Variants in SERPINB2 observed in about 807,000 individuals in gnomAD.
SERPINB2 encodes the protein serpin family B member 2.
In SERPINB2, 28 loss-of-function variants were observed where a neutral mutation model predicts 39.4. The ratio of observed to expected loss-of-function variants is 0.71; its 90% confidence interval spans 0.53 to 0.97. The LOEUF (loss-of-function observed/expected upper bound fraction) is 0.97. SERPINB2 is among the 50% of genes least tolerant of loss of function. The pLI is 0.00. For missense variants in SERPINB2, 557 were observed against 505.3 expected, an observed-to-expected ratio of 1.10 and a Z score of -0.98; for synonymous variants, 209 against 175.1, an observed-to-expected ratio of 1.19 and a Z score of -1.53.
At position 63,903,093 on chromosome 18, in the gene SERPINB2, A is replaced by G; in HGVS notation, c.1036A>G (p.Arg346Gly). The G allele has an allele frequency of 6.2e-7, 1 of 1,613,732 alleles. No homozygotes were observed. The highest frequency in any genetic ancestry group is 8.5e-7 in the Non-Finnish European group (1 of 1,179,804). Residue 346 changes from arginine to glycine, a missense_variant, in exon 8 of 8, where the codon AGG becomes GGG. By Grantham distance (125) the Arg-to-Gly change is moderately radical. Transcript: ENST00000299502. The part of the protein sequence containing the change: ...GRANFSGMSE[R>G]NDLFLSEVFH... ...GGCCAATTTCTCAGGGATGTCGGAG[A>G]GGAATGACCTGTTTCTTTCTGAAGT...
intron 7 of SERPINB2, among the ~76,000 whole-genome samples, 162 bp from the exon 8 acceptor site, chr18:63,902,739 C>T (rs934093829): frequency 2.6e-5 from 4 of 152,134 alleles, no homozygotes; most frequent in Non-Finnish European, 2.9e-5. Flanking sequence ...CTATGTCATA[C>T]GTGTTACCTT....
intron 2 of SERPINB2, among the ~76,000 whole-genome samples, chr18:63,894,300 A>C (rs1043823967): frequency 6.6e-6 from 1 of 152,224 alleles, no homozygotes; most frequent in African/African-American, 2.4e-5. Flanking sequence ...TTCAGAGAGT[A>C]CTAGGCAGGA....
At position 63,895,302 on chromosome 18, in the gene SERPINB2, C is replaced by A. The variant is rs768953477; in HGVS notation, c.207C>A (p.Thr69=). 2.5e-6 allele frequency: 4 copies of A among 1,613,886 alleles called. No individual in the cohort carries two copies. In the Admixed American group the frequency reaches 5.0e-5, roughly 20 times the overall value. The change falls in exon 3 of 8, where the codon ACC becomes ACA. Residue 69 remains threonine (T), a synonymous_variant. Coordinates refer to ENST00000299502, the MANE Select transcript of SERPINB2 (RefSeq NM_002575.3). ...QFNEVGANAV[T]PMTPENFTSC... Reference sequence around the variant, plus strand: ...ATGAAGTGGGAGCCAATGCAGTTACCCCCATGACTCCAGAGAACTTTACCA... The same window carrying A: ...ATGAAGTGGGAGCCAATGCAGTTACACCCATGACTCCAGAGAACTTTACCA...
chr18:63,894,781 C>A (rs1484992490), intron 2 of SERPINB2, among the ~76,000 whole-genome samples: 13 of 152,168 alleles, frequency 8.5e-5, no homozygotes, highest in Admixed American at 8.5e-4. Context: ...TTTAGGTGAA[C>A]CCTGTTAATA....
rs773610215 is a variant in SERPINB2, at chr18:63,902,516, T to C, written c.791T>C (p.Met264Thr). ...CTCCCATATGCTGGAGATGTTAGCA[T>C]GTTCTTGTTGCTTCCAGATGAAATT... Reference protein sequence around the residue: ...LELPYAGDVSMFLLLPDEIAD... With the variant: ...LELPYAGDVSTFLLLPDEIAD... Residue 264 changes from methionine to threonine, a missense_variant, in exon 7 of 8, where the codon ATG (methionine) becomes ACG (threonine). Coordinates refer to ENST00000299502, the MANE Select transcript of SERPINB2 (RefSeq NM_002575.3). The C allele has an allele frequency of 1.4e-5, 23 of 1,613,562 alleles. No homozygotes were observed. The highest frequency in any genetic ancestry group is 2.7e-5 in the African/African-American group (2 of 74,900).
At chr18:63,897,575 T>A in intron 4 of SERPINB2, 152 bp from the exon 5 acceptor site, 2 of 713,268 alleles carry the variant, frequency 2.8e-6, no homozygotes, top group Non-Finnish European at 5.0e-6. Context: ...TCTGCACTCT[T>A]TCCCCCTTCA....
At chr18:63,895,974 C>T (rs142137745) in intron 3 of SERPINB2, among the ~76,000 whole-genome samples, 3 of 152,256 alleles carry the variant, frequency 2.0e-5, no homozygotes, top group African/African-American at 7.2e-5. Context: ...TCAGCTATCT[C>T]GGGGAGTAAC....
At chr18:63,888,446 G>A (rs1043767571) in intron 1 of SERPINB2, among the ~76,000 whole-genome samples, 2 of 152,210 alleles carry the variant, frequency 1.3e-5, no homozygotes, top group Admixed American at 1.3e-4. Context: ...TTTTAATTCT[G>A]TTGGGGGAGA....
At chr18:63,893,026 A>G (rs9951303) in intron 2 of SERPINB2, among the ~76,000 whole-genome samples, 40,084 of 151,726 alleles carry the variant, frequency 0.26, 5,736 homozygotes, top group East Asian at 0.48. Context: ...TCCAACTCCC[A>G]GGTTCAAGCC....
chr18:63,900,879 T>C (rs1430514992), intron 5 of SERPINB2, among the ~76,000 whole-genome samples: 1 of 152,160 alleles, frequency 6.6e-6, no homozygotes, highest in Non-Finnish European at 1.5e-5. Flanking sequence ...GGAGGCAGAA[T>C]TTTTACAAGC....
chr18:63,901,834 T>C lies in SERPINB2; in HGVS notation c.630T>C (p.Thr210=), dbSNP rs2049993126. Residue 210 remains threonine, a synonymous_variant, in exon 6 of 8, where the codon ACT becomes ACC. Coordinates refer to ENST00000299502, the MANE Select transcript of SERPINB2 (RefSeq NM_002575.3). The part of the protein sequence containing the change: ...NAVYFKGKWK[T]PFEKKLNGLY... The stretch of plus-strand genomic sequence containing the variant: ...TCTACTTCAAAGGAAAGTGGAAAAC[T>C]CCATTTGAGAAGAAACTAAATGGGC... The C allele has an allele frequency of 1.9e-6, 3 of 1,604,150 alleles. No individual in the cohort carries two copies. In the South Asian group the frequency reaches 3.4e-5, roughly 18 times the overall value.
intron 2 of SERPINB2, among the ~76,000 whole-genome samples, chr18:63,892,998 T>A (rs1409030704): frequency 6.6e-6 from 1 of 152,112 alleles, no homozygotes; most frequent in Non-Finnish European, 1.5e-5. Flanking sequence ...AGTGGTGCGA[T>A]CTTGGCTCAC....
Position 63,903,652 on chromosome 18 carries a change from G to A in SERPINB2, c.*347G>A, listed in dbSNP as rs559202934. 2.8e-4 allele frequency: 45 copies of A among 158,630 alleles called. No individual in the cohort carries two copies. Among genetic ancestry groups the A allele is most frequent in the Middle Eastern group, 3.0e-3 (1 of 328 alleles). The allele number at this position is 158,630 out of a possible 1,614,324, so 9.8% of individuals were successfully genotyped here. The stretch of plus-strand genomic sequence containing the variant: ...CTGCCTATTTAATGTAGCTAATAAA[G>A]TTATAGAAGCAGATGATCTGTTAAT... On this transcript the variant is annotated 3_prime_UTR_variant, in exon 8 of 8. Coordinates refer to ENST00000299502, the MANE Select transcript of SERPINB2 (RefSeq NM_002575.3).
At chr18:63,902,351 A>C in intron 6 of SERPINB2, 53 bp from the exon 7 acceptor site, 1 of 1,441,006 alleles carries the variant, frequency 6.9e-7, no homozygotes, top group Non-Finnish European at 9.3e-7. Context: ...CTAATTGTAA[A>C]TCTCTTGATA....
chr18:63,902,789 C>T, intron 7 of SERPINB2, 112 bp from the exon 8 acceptor site: 1 of 1,220,530 alleles, frequency 8.2e-7, no homozygotes, highest in Non-Finnish European at 1.1e-6. Flanking sequence ...TTCTATATCA[C>T]CCACAATATA....
chr18:63,903,170 T>C lies in SERPINB2; in HGVS notation c.1113T>C (p.Ala371=), dbSNP rs777063557. 1.2e-6 allele frequency: 2 copies of C among 1,613,766 alleles called. No individual in the cohort carries two copies. The highest frequency in any genetic ancestry group is 1.7e-6 in the Non-Finnish European group (2 of 1,179,770). ...ATGAGGAGGGCACTGAAGCAGCCGC[T>C]GGCACAGGAGGTGTTATGACAGGGA... ...DVNEEGTEAA[A]GTGGVMTGRT... The change falls in exon 8 of 8, where the codon GCT becomes GCC. Residue 371 remains alanine, a synonymous_variant. Transcript: ENST00000299502.
rs2049952386 is a variant in SERPINB2, at chr18:63,895,330, T to C, written c.235T>C (p.Cys79Arg). Residue 79 changes from cysteine (C) to arginine (R), a missense_variant, in exon 3 of 8, where the codon TGT (cysteine) becomes CGT (arginine). Coordinates refer to ENST00000299502, the MANE Select transcript of SERPINB2 (RefSeq NM_002575.3). ...CATGACTCCAGAGAACTTTACCAGC[T>C]GTGGGTTCATGCAGCAGATCCAGAA... Reference protein sequence around the residue: ...TPMTPENFTSCGFMQQIQKGS... With the variant: ...TPMTPENFTSRGFMQQIQKGS... The C allele has an allele frequency of 6.2e-7, 1 of 1,614,128 alleles. No homozygotes were observed. Among genetic ancestry groups the C allele is most frequent in the Non-Finnish European group, 8.5e-7 (1 of 1,179,996 alleles).
intron 3 of SERPINB2, 99 bp from the exon 4 acceptor site, chr18:63,896,992 C>A (rs1281454402): frequency 2.7e-6 from 3 of 1,092,368 alleles, no homozygotes; most frequent in Non-Finnish European, 3.9e-6. Flanking sequence ...ATTAATATAG[C>A]ATTTCATGAT....
At chr18:63,896,485 G>A (rs1214763082) in intron 3 of SERPINB2, among the ~76,000 whole-genome samples, 1 of 152,080 alleles carries the variant, frequency 6.6e-6, no homozygotes, top group Non-Finnish European at 1.5e-5. Context: ...GCTTTACTGA[G>A]GTATAATGGA....
Sources: gnomAD v4.1 joint callset for allele counts (sites outside exome capture counted in the v4.1 genomes callset) on GRCh38, gnomAD v4.1.1 for gene constraint, MANE v1.5 for transcripts, NCBI Gene and HGNC (gene_info 2026-07-23, HGNC 2026-07-21) for gene names.